Variants in RANBP2 observed in about 807,000 individuals in gnomAD.
RANBP2 encodes the protein RAN binding protein 2.
RANBP2 carries 57 observed loss-of-function variants against 303.6 expected under a neutral mutation model. The observed-to-expected ratio is 0.19, with a 90% CI of 0.15 to 0.23. RANBP2 has a LOEUF of 0.23. RANBP2 is among the 10% of genes least tolerant of loss of function. The pLI is 1.00. For missense variants in RANBP2, 3,138 were observed against 3,780.8 expected (o/e 0.83, Z 4.46); for synonymous variants, 1,167 against 1,301.5 (o/e 0.90, Z 2.23).
At chr2:108,913,101 A>G in the RANBP2 span, among the ~76,000 whole-genome samples, 1 of 151,672 alleles carries the variant, frequency 6.6e-6, no homozygotes, top group Admixed American at 6.6e-5. Context: ...GGCACCCACC[A>G]CCACACCTGG....
the RANBP2 span, among the ~76,000 whole-genome samples, chr2:109,143,402 C>G: frequency 1.3e-5 from 2 of 152,116 alleles, no homozygotes; most frequent in Middle Eastern, 3.4e-3. Flanking sequence ...TTCACAGGGC[C>G]AATATCTGAA....
At chr2:108,808,358 T>C in the RANBP2 span, among the ~76,000 whole-genome samples, 1 of 152,230 alleles carries the variant, frequency 6.6e-6, no homozygotes, top group Non-Finnish European at 1.5e-5. Flanking sequence ...TGATTTTCTC[T>C]CCTGTGAATA....
At chr2:109,002,392 T>C in the RANBP2 span, among the ~76,000 whole-genome samples, 1 of 152,208 alleles carries the variant, frequency 6.6e-6, no homozygotes, top group Non-Finnish European at 1.5e-5. Context: ...TATGTCTCCC[T>C]TGAACCACTG....
At chr2:109,342,856 A>G in the RANBP2 span, among the ~76,000 whole-genome samples, 1 of 152,240 alleles carries the variant, frequency 6.6e-6, no homozygotes, top group Non-Finnish European at 1.5e-5. Flanking sequence ...TGAAATTGAC[A>G]TTATAAGTTT....
At chr2:109,699,122 G>C in the RANBP2 span, among the ~76,000 whole-genome samples, 1 of 152,232 alleles carries the variant, frequency 6.6e-6, no homozygotes, top group African/African-American at 2.4e-5. Flanking sequence ...TGCCTATGTG[G>C]GTTCTGGCAG....
chr2:109,656,183 C>T, the RANBP2 span, among the ~76,000 whole-genome samples: 2 of 152,128 alleles, frequency 1.3e-5, no homozygotes, highest in African/African-American at 4.8e-5. Context: ...GGGGCCATGC[C>T]AATCCCCCTT....
the RANBP2 span, among the ~76,000 whole-genome samples, chr2:109,598,895 T>A: frequency 6.7e-6 from 1 of 149,652 alleles, no homozygotes; most frequent in East Asian, 2.0e-4. Flanking sequence ...AAAATAAAAA[T>A]AAAAAAAAAA....
the RANBP2 span, among the ~76,000 whole-genome samples, chr2:109,416,886 C>T: frequency 7.1e-6 from 1 of 140,422 alleles, no homozygotes; most frequent in African/African-American, 2.7e-5. Flanking sequence ...GCCTGGGCGA[C>T]AGAGTGAGAC....
chr2:109,557,981 C>G, the RANBP2 span, among the ~76,000 whole-genome samples: 1 of 151,618 alleles, frequency 6.6e-6, no homozygotes, highest in African/African-American at 2.4e-5. Flanking sequence ...TTTGTAGAGA[C>G]AGAGTTTTGC....
At chr2:108,941,697 G>C in the RANBP2 span, among the ~76,000 whole-genome samples, 1 of 152,184 alleles carries the variant, frequency 6.6e-6, no homozygotes, top group Non-Finnish European at 1.5e-5. Context: ...CAACCTGACT[G>C]CCATTATAAA....
the RANBP2 span, chr2:108,884,635 G>A: frequency 6.6e-6 from 1 of 152,172 alleles, no homozygotes; most frequent in African/African-American, 2.4e-5. Flanking sequence ...GAAAGTCAAG[G>A]ATGATGGTTT....
Position 108,766,984 on chromosome 2 carries a change from A to T in RANBP2, c.6445A>T (p.Ile2149Leu). Residue 2149 changes from isoleucine to leucine, a missense_variant, in exon 20 of 29, where the codon ATA becomes TTA. Physicochemically the swap from Ile to Leu is conservative, Grantham distance 5. Coordinates refer to ENST00000283195, the MANE Select transcript of RANBP2 (RefSeq NM_006267.5). ...GGAATGCCAGCGGCTTCTGTTAGAC[A>T]TACCACTTCAAACTCCCCATAAACT... ...FEECQRLLLDIPLQTPHKLVD... is the reference protein window; with the variant it reads ...FEECQRLLLDLPLQTPHKLVD... 6.2e-7 allele frequency: 1 copy of T among 1,609,452 alleles called. No individual in the cohort carries two copies. The highest frequency in any genetic ancestry group is 1.1e-5 in the South Asian group (1 of 90,992).
the RANBP2 span, among the ~76,000 whole-genome samples, chr2:109,025,531 G>A: frequency 6.6e-6 from 1 of 152,172 alleles, no homozygotes; most frequent in African/African-American, 2.4e-5. Flanking sequence ...ACATAGGGCG[G>A]GTGCGGTGGC....
In RANBP2 at chr2:108,763,277, A is replaced by G. The variant is rs1470240405; in HGVS notation, c.2738A>G (p.His913Arg). 2 of 1,613,852 alleles carry G rather than the reference A, an allele frequency of 1.2e-6. No homozygotes were observed. Among genetic ancestry groups the G allele is most frequent in the Middle Eastern group, 1.6e-4 (1 of 6,062 alleles). ...ATGAATAGGCTTCCACCCCAACAGC[A>G]TATTTATGCCTATCCGCAACAGATG... is the stretch of plus-strand genomic sequence containing the variant. ...YGMNRLPPQQHIYAYPQQMHT... is the reference protein window; with the variant it reads ...YGMNRLPPQQRIYAYPQQMHT... The change falls in exon 20 of 29, where the codon CAT becomes CGT. Residue 913 changes from histidine to arginine, a missense_variant. Transcript: ENST00000283195.
the RANBP2 span, among the ~76,000 whole-genome samples, chr2:108,923,135 T>G: frequency 6.6e-6 from 1 of 152,126 alleles, no homozygotes; most frequent in Non-Finnish European, 1.5e-5. Flanking sequence ...ACTTGTCAGG[T>G]AGCTGGTGGC....
At chr2:109,109,289 C>T in the RANBP2 span, among the ~76,000 whole-genome samples, 3 of 152,212 alleles carry the variant, frequency 2.0e-5, no homozygotes, top group Non-Finnish European at 2.9e-5. Context: ...AGAACTGTTC[C>T]GAAACTCTTG....
the RANBP2 span, among the ~76,000 whole-genome samples, chr2:109,478,466 A>G: frequency 6.6e-6 from 1 of 152,128 alleles, no homozygotes; most frequent in Non-Finnish European, 1.5e-5. Flanking sequence ...TTTGGTTTGA[A>G]TGTATTCAGT....
chr2:109,025,196 CT>C, the RANBP2 span, among the ~76,000 whole-genome samples: 5 of 152,146 alleles, frequency 3.3e-5, no homozygotes, highest in Non-Finnish European at 5.9e-5. Context: ...AATTTCCTTC[CT>C]TTTTAAGGCT....
chr2:109,566,971 C>A, the RANBP2 span, among the ~76,000 whole-genome samples: 1 of 151,922 alleles, frequency 6.6e-6, no homozygotes, highest in Non-Finnish European at 1.5e-5. Context: ...GATGTAAAGA[C>A]AATTTAACAT....
Sources: gnomAD v4.1 joint callset for allele counts (sites outside exome capture counted in the v4.1 genomes callset) on GRCh38, gnomAD v4.1.1 for gene constraint, MANE v1.5 for transcripts, NCBI Gene and HGNC (gene_info 2026-07-23, HGNC 2026-07-21) for gene names.